The following ACSM4 variants were observed in gnomAD, a reference collection of about 807,000 sequenced individuals.
ACSM4 encodes acyl-CoA synthetase medium chain family member 4.
A neutral mutation model predicts 73.0 loss-of-function variants in ACSM4; 66 were observed. The ratio of observed to expected loss-of-function variants is 0.90; its 90% CI spans 0.74 to 1.11. The LOEUF is 1.11. ACSM4 is among the 50% of genes least tolerant of loss of function. The pLI, the probability that ACSM4 is intolerant of heterozygous loss-of-function variation, is 0.00. For missense variants in ACSM4, 645 were observed against 714.4 expected, an observed-to-expected ratio of 0.90 and a Z score of 1.11; for synonymous variants, 222 against 254.0, an observed-to-expected ratio of 0.87 and a Z score of 1.20.
chr12:7,322,522 G>A lies in ACSM4; in HGVS notation c.1106G>A (p.Gly369Asp). Reference sequence around the variant, plus strand: ...CAAACTGGGCTGGAGCTATATGAGGGCTATGGACAGACGGAAGTGGTATAT... The same window carrying A: ...CAAACTGGGCTGGAGCTATATGAGGACTATGGACAGACGGAAGTGGTATAT... ...RVQTGLELYEGYGQTEVGMIC... is the reference protein window; with the variant it reads ...RVQTGLELYEDYGQTEVGMIC... Residue 369 changes from glycine (G) to aspartate (D), a missense_variant, in exon 7 of 13, where the codon GGC (glycine) becomes GAC (aspartate). Transcript: ENST00000399422. 6.2e-7 allele frequency: 1 copy of A among 1,613,776 alleles called. No homozygotes were observed. Among genetic ancestry groups the A allele is most frequent in the African/African-American group, 1.3e-5 (1 of 75,012 alleles).
chr12:7,308,659 A>G (rs1332591762), intron 2 of ACSM4, among the ~76,000 whole-genome samples: 2 of 152,208 alleles, frequency 1.3e-5, no homozygotes, highest in Admixed American at 6.5e-5. Flanking sequence ...TGTAAAATAA[A>G]TAATCTTAAA....
chr12:7,308,285 AT>A (rs1398432908), intron 2 of ACSM4, among the ~76,000 whole-genome samples: 1 of 152,226 alleles, frequency 6.6e-6, no homozygotes, highest in Non-Finnish European at 1.5e-5. Flanking sequence ...GTTATAAAAA[AT>A]ATGTAATATT....
chr12:7,306,796 T>A, intron 2 of ACSM4, 53 bp downstream of exon 2: 2 of 1,440,472 alleles, frequency 1.4e-6, no homozygotes, highest in Non-Finnish European at 1.9e-6. Flanking sequence ...AGACTGAAAC[T>A]CAATGGTTTT....
At chr12:7,304,732 G>A (rs901454331) in intron 1 of ACSM4, among the ~76,000 whole-genome samples, 200 bp downstream of exon 1, 1 of 152,322 alleles carries the variant, frequency 6.6e-6, no homozygotes, top group African/African-American at 2.4e-5. Context: ...CGGCTCTGGA[G>A]CCTTCTCTAT....
chr12:7,327,767 T>A (rs1265193093), intron 12 of ACSM4, among the ~76,000 whole-genome samples: 1 of 152,216 alleles, frequency 6.6e-6, no homozygotes, highest in African/African-American at 2.4e-5. Context: ...AATCAGTGAC[T>A]GTTGACTTTC....
intron 6 of ACSM4, among the ~76,000 whole-genome samples, chr12:7,322,015 A>T (rs1311383843): frequency 6.6e-6 from 1 of 152,174 alleles, no homozygotes; most frequent in Non-Finnish European, 1.5e-5. Flanking sequence ...CAATGTCCTC[A>T]TGTGTAAATA....
At position 7,304,536 on chromosome 12, in the gene ACSM4, T is replaced by C. The variant is rs762799636; in HGVS notation, c.201+4T>C. On this transcript the variant is annotated splice_donor_region_variant and intron_variant, in intron 1 of 12. Coordinates refer to ENST00000399422, the MANE Select transcript of ACSM4 (RefSeq NM_001080454.2). ...CCAGTGGTCCCAAAAGGAGAAGGTA[T>C]ATGACGATGGGCTTCCAGTAGATGC... The C allele has an allele frequency of 1.9e-6, 3 of 1,612,610 alleles. No homozygotes were observed. The highest frequency in any genetic ancestry group is 2.5e-6 in the Non-Finnish European group (3 of 1,179,450).
intron 3 of ACSM4, 46 bp from the exon 4 acceptor site, chr12:7,317,091 C>T (rs200112537): frequency 3.2e-6 from 5 of 1,572,680 alleles, no homozygotes; most frequent in African/African-American, 1.4e-5. Flanking sequence ...CAGAGTCAAA[C>T]TGGTCTGCCA....
At chr12:7,306,880 T>C in intron 2 of ACSM4, 137 bp downstream of exon 2, 1 of 861,922 alleles carries the variant, frequency 1.2e-6, no homozygotes, top group Non-Finnish European at 1.7e-6. Context: ...GTTAAGGCAA[T>C]CATGATATAA....
At chr12:7,305,837 A>G (rs1016811591) in intron 1 of ACSM4, among the ~76,000 whole-genome samples, 4 of 152,236 alleles carry the variant, frequency 2.6e-5, no homozygotes, top group African/African-American at 4.8e-5. Context: ...AGATAGGGGA[A>G]AGAAGGGAGA....
chr12:7,311,882 G>A (rs1201023874), intron 3 of ACSM4, among the ~76,000 whole-genome samples: 3 of 152,126 alleles, frequency 2.0e-5, no homozygotes, highest in Non-Finnish European at 4.4e-5. Context: ...TAGAAAGGGA[G>A]TTACACCATG....
rs144284598 is a variant in ACSM4, at chr12:7,309,933, G to A, written c.413-606G>A. On this transcript the variant is annotated intron_variant, in intron 2 of 12. Coordinates refer to ENST00000399422, the MANE Select transcript of ACSM4 (RefSeq NM_001080454.2). ...TGAGTAGCTGGGACTATAGGCGTGC[G>A]CCACCACACCTGGCTAATTTTTGTA... 2.5e-3 allele frequency among the ~76,000 whole-genome samples: 383 copies of A among 152,138 alleles called. 4 individuals carry two copies. The highest frequency in any genetic ancestry group is 8.2e-3 in the African/African-American group (341 of 41,528).
Position 7,328,441 on chromosome 12 carries a change from T to A in ACSM4, c.*68T>A. Reference sequence around the variant, plus strand: ...TTCTTTTAGTATTTGTTCCGATAATTCAGCGACTACTCTCTTAAAATGTTT... The same window carrying A: ...TTCTTTTAGTATTTGTTCCGATAATACAGCGACTACTCTCTTAAAATGTTT... On this transcript the variant is annotated 3_prime_UTR_variant, in exon 13 of 13. Coordinates refer to ENST00000399422, the MANE Select transcript of ACSM4 (RefSeq NM_001080454.2). The A allele has an allele frequency of 8.3e-7, 1 of 1,201,210 alleles. No homozygotes were observed. Among genetic ancestry groups the A allele is most frequent in the Non-Finnish European group, 1.1e-6 (1 of 872,788 alleles). The allele number at this position is 1,201,210 out of a possible 1,614,324, so 74.4% of individuals were successfully genotyped here.
intron 11 of ACSM4, among the ~76,000 whole-genome samples, chr12:7,326,588 T>C (rs192656406): frequency 2.8e-4 from 42 of 152,254 alleles, no homozygotes; most frequent in African/African-American, 9.6e-4. Flanking sequence ...AACCACATAT[T>C]CTCTAGGAAC....
At position 7,310,680 on chromosome 12, in the gene ACSM4, T is replaced by A. The variant is rs758525438; in HGVS notation, c.554T>A (p.Leu185His). The A allele has an allele frequency of 1.2e-6, 2 of 1,613,406 alleles. No individual in the cohort carries two copies. The highest frequency in any genetic ancestry group is 1.7e-6 in the Non-Finnish European group (2 of 1,179,754). Residue 185 changes from leucine to histidine, a missense_variant, in exon 3 of 13, where the codon CTT becomes CAT. Transcript: ENST00000399422. ...TCCATTGTATTGGAGTGTCCTGACC[T>A]TAAGACAAAACTCCTGGTGTCTCCA... ...VESIVLECPD[L>H]KTKLLVSPQS...
intron 5 of ACSM4, among the ~76,000 whole-genome samples, chr12:7,320,293 C>T (rs879446759): frequency 6.6e-6 from 1 of 152,100 alleles, no homozygotes; most frequent in Admixed American, 6.5e-5. Context: ...CTGAAAAAGA[C>T]TAATGTATTT....
chr12:7,326,888 T>C, intron 11 of ACSM4, 88 bp from the exon 12 acceptor site: 1 of 1,378,846 alleles, frequency 7.3e-7, no homozygotes, highest in Non-Finnish European at 9.7e-7. Context: ...TATTAATAAA[T>C]AGTAAGCACC....
Position 7,328,268 on chromosome 12 carries a change from G to GT in ACSM4, c.1657-12dup, listed in dbSNP as rs753713586. 3 of 1,553,088 alleles carry GT rather than the reference G, an allele frequency of 1.9e-6. No homozygotes were observed. The highest frequency in any genetic ancestry group is 2.6e-6 in the Non-Finnish European group (3 of 1,144,050). ...AGGATGGAATCAAGTGTCTCATCAC[G>GT]TTTTTTTCTGTCAATTAGGTGGAAT... On this transcript the variant is annotated intron_variant, in intron 12 of 12. Transcript: ENST00000399422.
chr12:7,324,235 G>T, intron 9 of ACSM4, 38 bp from the exon 10 acceptor site: 1 of 1,606,760 alleles, frequency 6.2e-7, no homozygotes, highest in South Asian at 1.1e-5. Flanking sequence ...TCTCTGTTCT[G>T]ACCAGACTAA....
Sources: gnomAD v4.1 joint callset for allele counts (sites outside exome capture counted in the v4.1 genomes callset) on GRCh38, gnomAD v4.1.1 for gene constraint, MANE v1.5 for transcripts, NCBI Gene and HGNC (gene_info 2026-07-23, HGNC 2026-07-21) for gene names.